The following KLK3 variants were observed in gnomAD, a reference collection of about 807,000 sequenced individuals.
KLK3 encodes kallikrein related peptidase 3.
Under a neutral mutation model 27.7 loss-of-function variants are expected in KLK3, and 23 were observed. The ratio of observed to expected loss-of-function variants is 0.83; its 90% CI spans 0.60 to 1.17. The LOEUF is 1.17. KLK3 is among the 50% of genes most tolerant of loss of function. The probability of loss-of-function intolerance (pLI) is 0.00; values close to 1 mark genes in which losing one functional copy is unlikely to be tolerated. For missense variants in KLK3, 322 were observed against 338.1 expected (o/e 0.95, Z 0.37); for synonymous variants, 142 against 134.2 (o/e 1.06, Z -0.40).
intron 2 of KLK3, among the ~76,000 whole-genome samples, chr19:50,857,003 A>G (rs1414640758): frequency 6.6e-6 from 1 of 151,770 alleles, no homozygotes; most frequent in East Asian, 1.9e-4. Context: ...CTCTACTAAA[A>G]ATACAAAAAA....
chr19:50,856,390 G>C lies in KLK3; in HGVS notation c.197G>C (p.Cys66Ser). The C allele has an allele frequency of 1.9e-6, 3 of 1,613,696 alleles. No individual in the cohort carries two copies. The East Asian group carries it at 6.7e-5, about 36-fold the overall frequency. ...CAGTGGGTCCTCACAGCTGCCCACT[G>C]CATCAGGAAGTGAGTAGGGGCCTGG... ...HPQWVLTAAH[C>S]IRNKSVILLG... Residue 66 changes from cysteine (C) to serine (S), a missense_variant, in exon 2 of 5, where the codon TGC becomes TCC. Cys to Ser is a moderately radical substitution (Grantham distance 112, BLOSUM62 -1). Transcript: ENST00000326003.
Position 50,858,453 on chromosome 19 carries a change from C to G in KLK3, c.494-6C>G, listed in dbSNP as rs1207890246. 1.2e-6 allele frequency: 2 copies of G among 1,613,990 alleles called. No individual in the cohort carries two copies. Among genetic ancestry groups the G allele is most frequent in the East Asian group, 4.5e-5 (2 of 44,898 alleles). ...GCCCACAACAGTGTTTTTGCCTGGC[C>G]CGTAGTCTTGACCCCAAAGAAACTT... On this transcript the variant is annotated splice_polypyrimidine_tract_variant and splice_region_variant and intron_variant, in intron 3 of 4. Coordinates refer to ENST00000326003, the MANE Select transcript of KLK3 (RefSeq NM_001648.2).
Position 50,858,145 on chromosome 19 carries a change from A to C in KLK3, c.323A>C (p.Asn108Thr), listed in dbSNP as rs747600000. The change falls in exon 3 of 5, where the codon AAT becomes ACT. Residue 108 changes from asparagine (N) to threonine (T), a missense_variant. Asn to Thr is a moderately conservative substitution (Grantham distance 65, BLOSUM62 0). Coordinates refer to ENST00000326003, the MANE Select transcript of KLK3 (RefSeq NM_001648.2). Reference protein sequence around the residue: ...HPLYDMSLLKNRFLRPGDDSS... With the variant: ...HPLYDMSLLKTRFLRPGDDSS... ...CTCTACGATATGAGCCTCCTGAAGA[A>C]TCGATTCCTCAGGCCAGGTGATGAC... 3.1e-6 allele frequency: 5 copies of C among 1,614,108 alleles called. No homozygotes were observed. The highest frequency in any genetic ancestry group is 4.2e-6 in the Non-Finnish European group (5 of 1,179,996).
chr19:50,858,679 G>A (rs749232909), intron 4 of KLK3, 84 bp downstream of exon 4: 21 of 1,521,786 alleles, frequency 1.4e-5, no homozygotes, highest in Non-Finnish European at 1.7e-5. Flanking sequence ...AGCCAACAAG[G>A]CGTCTGCCTC....
chr19:50,859,723 G>A (rs974429799), intron 4 of KLK3: 116 of 1,546,082 alleles, frequency 7.5e-5, no homozygotes, highest in Middle Eastern at 5.9e-4. Flanking sequence ...GACTGTCCTC[G>A]TGGACCCTCC....
intron 1 of KLK3, 74 bp downstream of exon 1, chr19:50,855,075 C>A (rs545281437): frequency 2.7e-5 from 41 of 1,508,046 alleles, no homozygotes; most frequent in South Asian, 3.4e-5. Flanking sequence ...CTCTTTCCCC[C>A]CCAACCCAGC....
intron 4 of KLK3, chr19:50,859,620 G>A (rs1409412035): frequency 6.2e-7 from 1 of 1,613,302 alleles, no homozygotes; most frequent in African/African-American, 1.3e-5. Flanking sequence ...TGTCTAGTCA[G>A]AGAGTAGTCC....
In KLK3 at chr19:50,856,354, T is replaced by C; in HGVS notation, c.161T>C (p.Leu54Pro). ...GGCAGGGCAGTCTGCGGCGGTGTTC[T>C]GGTGCACCCCCAGTGGGTCCTCACA... Reference protein sequence around the residue: ...SRGRAVCGGVLVHPQWVLTAA... With the variant: ...SRGRAVCGGVPVHPQWVLTAA... The change falls in exon 2 of 5, where the codon CTG (leucine) becomes CCG (proline). Residue 54 changes from leucine to proline, a missense_variant. Transcript: ENST00000326003. The C allele has an allele frequency of 5.0e-6, 8 of 1,613,898 alleles. No homozygotes were observed. The highest frequency in any genetic ancestry group is 4.4e-5 in the South Asian group (4 of 91,068).
chr19:50,856,525 T>A, intron 2 of KLK3, 126 bp downstream of exon 2: 1 of 1,230,160 alleles, frequency 8.1e-7, no homozygotes, highest in East Asian at 2.5e-5. Context: ...AAGTTCTGGT[T>A]CAGGTCACAT....
intron 4 of KLK3, chr19:50,858,928 G>T: frequency 2.1e-6 from 1 of 468,874 alleles, no homozygotes; most frequent in Non-Finnish European, 3.7e-6. Flanking sequence ...GCCAGTGAGG[G>T]GCACAGGCAG....
At chr19:50,856,607 T>A in intron 2 of KLK3, 1 of 541,944 alleles carries the variant, frequency 1.8e-6, no homozygotes, top group Non-Finnish European at 3.2e-6. Context: ...CCTCTATGTC[T>A]CTTTGTGTCG....
At chr19:50,859,779 G>C (rs1263988889) in intron 4 of KLK3, 193 bp from the exon 5 acceptor site, 19 of 1,470,814 alleles carry the variant, frequency 1.3e-5, no homozygotes, top group Non-Finnish European at 1.6e-5. Context: ...CCACCGGCCA[G>C]GACTGGAGCC....
chr19:50,858,219 A>T lies in KLK3; in HGVS notation c.397A>T (p.Thr133Ser). 1 of 1,614,204 alleles carries T rather than the reference A, an allele frequency of 6.2e-7. No homozygotes were observed. Among genetic ancestry groups the T allele is most frequent in the Non-Finnish European group, 8.5e-7 (1 of 1,180,040 alleles). ...LLRLSEPAEL[T>S]DAVKVMDLPT... ...CCGCCTGTCAGAGCCTGCCGAGCTC[A>T]CGGATGCTGTGAAGGTCATGGACCT... Residue 133 changes from threonine (T) to serine (S), a missense_variant, in exon 3 of 5, where the codon ACG becomes TCG. Coordinates refer to ENST00000326003, the MANE Select transcript of KLK3 (RefSeq NM_001648.2).
chr19:50,855,068 T>G, intron 1 of KLK3, 67 bp downstream of exon 1: 15 of 1,557,320 alleles, frequency 9.6e-6, no homozygotes, highest in Non-Finnish European at 1.1e-5. Context: ...GCTGAGGCTC[T>G]TTCCCCCCCA....
chr19:50,859,603 G>A, intron 4 of KLK3: 4 of 1,613,710 alleles, frequency 2.5e-6, no homozygotes, highest in Non-Finnish European at 3.4e-6. Context: ...GTGCCCTGGA[G>A]AGGAGGTGTC....
intron 2 of KLK3, 47 bp downstream of exon 2, chr19:50,856,446 G>A: frequency 6.3e-7 from 1 of 1,591,494 alleles, no homozygotes; most frequent in Non-Finnish European, 8.6e-7. Flanking sequence ...GTGTCCCAGA[G>A]GAATAACAGC....
intron 1 of KLK3, chr19:50,855,413 T>C (rs77326202): frequency 7.5e-4 from 135 of 179,884 alleles, no homozygotes; most frequent in Non-Finnish European, 1.5e-3. Flanking sequence ...TACTGACTTT[T>C]CCCATTCAGC....
intron 1 of KLK3, 69 bp from the exon 2 acceptor site, chr19:50,856,171 A>G (rs543276568): frequency 1.0e-4 from 146 of 1,420,530 alleles, no homozygotes; most frequent in African/African-American, 6.2e-4. Context: ...TCCTAAATCC[A>G]TCTCCTATCC....
chr19:50,855,069 T>A (rs766628593), intron 1 of KLK3, 68 bp downstream of exon 1: 4 of 1,556,872 alleles, frequency 2.6e-6, no homozygotes, highest in African/African-American at 1.4e-5. Context: ...CTGAGGCTCT[T>A]TCCCCCCCAA....
Sources: allele counts gnomAD v4.1 joint callset (sites outside exome capture counted in the v4.1 genomes callset), GRCh38; gene constraint gnomAD v4.1.1; transcripts MANE v1.5; gene names NCBI Gene and HGNC (gene_info 2026-07-23, HGNC 2026-07-21).